The following NEB variants were observed in gnomAD, a reference collection of about 807,000 sequenced individuals.
NEB encodes nebulin.
In NEB, 512 loss-of-function variants were observed where a neutral mutation model predicts 952.2. The ratio of observed to expected loss-of-function variants is 0.54; its 90% confidence interval spans 0.50 to 0.58. The LOEUF is 0.58. NEB is among the 20% of genes least tolerant of loss of function. The pLI is 0.00. For missense variants in NEB, 8,428 were observed against 9,231.1 expected (o/e 0.91, Z 3.56); for synonymous variants, 2,900 against 3,149.8 (o/e 0.92, Z 2.66).
At chr2:151,648,207 A>C (rs1477666071) in intron 54 of NEB, among the ~76,000 whole-genome samples, 3 of 152,094 alleles carry the variant, frequency 2.0e-5, no homozygotes, top group African/African-American at 7.2e-5. Flanking sequence ...TTCAATAAAA[A>C]ATTTTTTTGT....
chr2:151,724,969 A>G lies in NEB; in HGVS notation c.403-8T>C, dbSNP rs1375474955. ...ATCCATTCGATACTTAACCTGCCCA[A>G]ATAATGCACAGTTAGAGTTCATGAC... On this transcript the variant is annotated splice_region_variant and splice_polypyrimidine_tract_variant and intron_variant, in intron 6 of 181. Coordinates refer to ENST00000397345, the MANE Select transcript of NEB (RefSeq NM_001164508.2). The G allele has an allele frequency of 1.9e-6, 3 of 1,605,388 alleles. No individual in the cohort carries two copies. The highest frequency in any genetic ancestry group is 2.6e-6 in the Non-Finnish European group (3 of 1,172,452).
chr2:151,486,410 A>G (rs1391240499), intron 181 of NEB: 3 of 159,076 alleles, frequency 1.9e-5, no homozygotes, highest in African/African-American at 7.2e-5. Context: ...TGGAAGTGGA[A>G]AAGAGTGCAG....
chr2:151,644,094 G>A lies in NEB; in HGVS notation c.7680C>T (p.Gly2560=). ...CAATGTTCCGGGCACCAATGTGGTG[G>A]CCGAGCTGCTTGCGAAAGCCTTCCT... ...KYKEGFRKQL[G]HHIGARNIED... Residue 2560 remains glycine (G), a synonymous_variant, in exon 57 of 182, where the codon GGC becomes GGT. Coordinates refer to ENST00000397345, the MANE Select transcript of NEB (RefSeq NM_001164508.2). The A allele has an allele frequency of 1.9e-6, 3 of 1,613,914 alleles. No homozygotes were observed. Among genetic ancestry groups the A allele is most frequent in the Non-Finnish European group, 2.5e-6 (3 of 1,179,858 alleles).
In NEB at chr2:151,536,229, T is replaced by A. The variant is rs183417184; in HGVS notation, c.21208-434A>T. On this transcript the variant is annotated intron_variant, in intron 141 of 181. Coordinates refer to ENST00000397345, the MANE Select transcript of NEB (RefSeq NM_001164508.2). ...GCCAAGCTAACACATATTTACTGAT[T>A]GTTTATTCTGCCTCCAAGACAGTAA... 2.6e-4 allele frequency among the ~76,000 whole-genome samples: 40 copies of A among 152,362 alleles called. No individual in the cohort carries two copies. The East Asian group carries it at 7.1e-3, about 27-fold the overall frequency.
Position 151,526,931 on chromosome 2 carries a change from A to G in NEB, c.21932T>C (p.Leu7311Ser), listed in dbSNP as rs2086512626. The G allele has an allele frequency of 6.3e-7, 1 of 1,593,118 alleles. No individual in the cohort carries two copies. Among genetic ancestry groups the G allele is most frequent in the African/African-American group, 1.3e-5 (1 of 74,836 alleles). Residue 7311 changes from leucine to serine, a missense_variant, in exon 148 of 182, where the codon TTA (leucine) becomes TCA (serine). Leu to Ser is a moderately radical substitution (Grantham distance 145). Coordinates refer to ENST00000397345, the MANE Select transcript of NEB (RefSeq NM_001164508.2). ...CTAGGTACTTACATCACTTTCTATT[A>G]AAGTATTCCTGAGGGCGAGCACCGT... ...KNTVLALRNT[L>S]IESDLKYKEK...
rs2060152435 is a variant in NEB, at chr2:151,496,331, A to G, written c.24431T>C (p.Leu8144Ser). Reference protein sequence around the residue: ...YKENMGKGTPLAVTPEMERVK... With the variant: ...YKENMGKGTPSAVTPEMERVK... ...TCGCTCCATCTCGGGAGTGACAGCT[A>G]AAGGAGTTCCCTTGCCCATGTTTTC... is the stretch of plus-strand genomic sequence containing the variant. Residue 8144 changes from leucine to serine, a missense_variant, in exon 173 of 182, where the codon TTA becomes TCA. By Grantham distance (145) the Leu-to-Ser change is moderately radical. This residue lies in a region of NEB where 3,374 missense variants were observed against 3,651.5 expected (regional missense o/e 0.92). Coordinates refer to ENST00000397345, the MANE Select transcript of NEB (RefSeq NM_001164508.2). 7 of 1,611,898 alleles carry G rather than the reference A, an allele frequency of 4.3e-6. No individual in the cohort carries two copies. Among genetic ancestry groups the G allele is most frequent in the Non-Finnish European group, 5.9e-6 (7 of 1,178,812 alleles).
intron 9 of NEB, among the ~76,000 whole-genome samples, chr2:151,719,735 C>T (rs368165645): frequency 2.0e-5 from 3 of 151,926 alleles, no homozygotes; most frequent in South Asian, 2.1e-4. Context: ...AAAAATTAGC[C>T]GGGTGTGGTG....
At position 151,617,358 on chromosome 2, in the gene NEB, A is replaced by G; in HGVS notation, c.11181+6T>C. 11 of 1,524,432 alleles carry G rather than the reference A, an allele frequency of 7.2e-6. No individual in the cohort carries two copies. Among genetic ancestry groups the G allele is most frequent in the Non-Finnish European group, 9.8e-6 (11 of 1,119,680 alleles). 94.4% of individuals were successfully genotyped at this position (1,524,432 alleles called of 1,614,324 possible). ...CTGTTCATTACAAGATCAACAGTTTACTTACATCACTGTAGTTTATTCGGT... is the reference window on the plus strand; with the variant it reads ...CTGTTCATTACAAGATCAACAGTTTGCTTACATCACTGTAGTTTATTCGGT... On this transcript the variant is annotated splice_donor_region_variant and intron_variant, in intron 75 of 181. Coordinates refer to ENST00000397345, the MANE Select transcript of NEB (RefSeq NM_001164508.2).
chr2:151,493,324 C>T (rs2058004914), intron 176 of NEB, 29 bp downstream of exon 176: 4 of 1,497,542 alleles, frequency 2.7e-6, no homozygotes, highest in Non-Finnish European at 3.7e-6. Flanking sequence ...CAAGTTGTTG[C>T]ACTATTTCTT....
At chr2:151,521,488 T>G (rs776872794) in intron 153 of NEB, among the ~76,000 whole-genome samples, 2 of 152,058 alleles carry the variant, frequency 1.3e-5, no homozygotes, top group African/African-American at 2.4e-5. Flanking sequence ...TCCTAAGAGA[T>G]ATAGAAGTCC....
intron 64 of NEB, 53 bp from the exon 65 acceptor site, chr2:151,634,018 A>G (rs925058729): frequency 6.4e-7 from 1 of 1,550,520 alleles, no homozygotes; most frequent in African/African-American, 1.4e-5. Flanking sequence ...TAGAGGCCAC[A>G]AGTCTGTGCA....
intron 24 of NEB, among the ~76,000 whole-genome samples, chr2:151,688,801 T>C (rs2149008094): frequency 6.6e-6 from 1 of 152,346 alleles, no homozygotes; most frequent in South Asian, 2.1e-4. Context: ...TTTCTGTCTC[T>C]CAAAATATCT....
At position 151,514,802 on chromosome 2, in the gene NEB, AC is replaced by A. The variant is rs747101480; in HGVS notation, c.23016+15del. On this transcript the variant is annotated intron_variant, in intron 158 of 181. Transcript: ENST00000397345. ...ATTTGGATTAAGAGGGAAAGAAAAGACCAAGTGGGCACTACCTCGCTTGCTA... is the reference window on the plus strand; with the variant it reads ...ATTTGGATTAAGAGGGAAAGAAAAGACAAGTGGGCACTACCTCGCTTGCTA... 1.1e-5 allele frequency: 16 copies of A among 1,517,894 alleles called. 1 individual carries two copies. In the South Asian group the frequency reaches 1.3e-4, roughly 13 times the overall value. 94.0% of individuals were successfully genotyped at this position (1,517,894 alleles called of 1,614,324 possible).
chr2:151,510,826 T>C (rs114353777), intron 161 of NEB, among the ~76,000 whole-genome samples: 2,263 of 152,302 alleles, frequency 0.015, 81 homozygotes, highest in East Asian at 0.14. Flanking sequence ...GAGACTACTG[T>C]ATAGTATCCT....
rs2099202370 is a variant in NEB, at chr2:151,665,369, C to T, written c.5202G>A (p.Gln1734=). ...TCAGTTTGTTACTCTTGTTAAGTGC[C>T]TGTTCCATTGTGTCCATGGCGTAAG... is the stretch of plus-strand genomic sequence containing the variant. The part of the protein sequence containing the change: ...KFTYAMDTME[Q]ALNKSNKLNM... The change falls in exon 42 of 182, where the codon CAG becomes CAA. Residue 1734 remains glutamine, a synonymous_variant. Coordinates refer to ENST00000397345, the MANE Select transcript of NEB (RefSeq NM_001164508.2). 1.9e-6 allele frequency: 3 copies of T among 1,613,628 alleles called. No homozygotes were observed. The East Asian group carries it at 6.7e-5, about 36-fold the overall frequency.
intron 29 of NEB, among the ~76,000 whole-genome samples, chr2:151,681,973 G>T (rs1478400074): frequency 6.6e-6 from 1 of 152,146 alleles, no homozygotes; most frequent in Admixed American, 6.6e-5. Flanking sequence ...TGTGTATTAT[G>T]CTGGGGCAAA....
At chr2:151,500,602 T>TTC (rs1575184423) in intron 168 of NEB, among the ~76,000 whole-genome samples, 2 of 148,538 alleles carry the variant, frequency 1.3e-5, no homozygotes, top group East Asian at 3.9e-4. Flanking sequence ...CCTTTTTTTT[T>TTC]TTTTTTTTTT....
chr2:151,663,223 A>G (rs2099166946), intron 45 of NEB, among the ~76,000 whole-genome samples: 1 of 152,158 alleles, frequency 6.6e-6, no homozygotes, highest in African/African-American at 2.4e-5. Context: ...TTATTCCTCT[A>G]TTAAAAGCCT....
At chr2:151,505,861 C>T (rs1559334066) in intron 164 of NEB, 4 of 530,886 alleles carry the variant, frequency 7.5e-6, no homozygotes, top group East Asian at 3.2e-5. Context: ...CCCAGCAGGT[C>T]GTTTGACTAG....
Sources: allele counts gnomAD v4.1 joint callset (sites outside exome capture counted in the v4.1 genomes callset), GRCh38; gene constraint gnomAD v4.1.1; regional missense constraint gnomAD v4.1.1; transcripts MANE v1.5; gene names NCBI Gene and HGNC (gene_info 2026-07-23, HGNC 2026-07-21).